Variants in RAD51AP1 observed in about 807,000 individuals in gnomAD.
RAD51AP1 encodes RAD51-associated protein 1.
RAD51AP1 carries 14 observed loss-of-function variants against 34.3 expected under a neutral mutation model. The observed-to-expected ratio is 0.41, with a 90% CI of 0.27 to 0.64. RAD51AP1 has a LOEUF of 0.64. Ranked by LOEUF, RAD51AP1 falls within the 30% of genes least tolerant of loss-of-function variation. The pLI is 0.33. For missense variants in RAD51AP1, 348 were observed against 386.9 expected (o/e 0.90, Z 0.84); for synonymous variants, 114 against 129.8 (o/e 0.88, Z 0.83).
intron 2 of RAD51AP1, among the ~76,000 whole-genome samples, chr12:4,542,647 A>C (rs1362118728): frequency 7.0e-6 from 1 of 142,790 alleles, no homozygotes; most frequent in Admixed American, 7.3e-5. Context: ...AGGTGGGGGG[A>C]GTCCTAAGTT....
rs868436766 is a variant in RAD51AP1 at position 4,540,840 on chromosome 12, G to C, written c.18-1044G>C. Among the ~76,000 whole-genome samples, 9 of 152,280 alleles carry C rather than the reference G, an allele frequency of 5.9e-5. No homozygotes were observed. In the East Asian group the frequency reaches 1.7e-3, roughly 29 times the overall value. ...CACTTCTGTATACTGATGCGTGATAGTTATCTCAAGGAAAAGCACTTGTGA... is the reference window on the plus strand; with the variant it reads ...CACTTCTGTATACTGATGCGTGATACTTATCTCAAGGAAAAGCACTTGTGA... On this transcript the variant is annotated intron_variant, in intron 1 of 8. Coordinates refer to ENST00000352618, the MANE Select transcript of RAD51AP1 (RefSeq NM_006479.5).
Position 4,559,281 on chromosome 12 carries a change from T to C in RAD51AP1, c.*288T>C, listed in dbSNP as rs907192484. ...GTCCACATCACATGCTGTTCTTTTC[T>C]AGTTACATGATGTGCCTTTCTAGCT... is the stretch of plus-strand genomic sequence containing the variant. On this transcript the variant is annotated 3_prime_UTR_variant, in exon 9 of 9. Transcript: ENST00000352618. 1.0e-4 allele frequency: 24 copies of C among 240,712 alleles called. No individual in the cohort carries two copies. The highest frequency in any genetic ancestry group is 4.1e-4 in the African/African-American group (18 of 44,320). 14.9% of individuals were successfully genotyped at this position (240,712 alleles called of 1,614,324 possible).
At chr12:4,551,529 G>A (rs1944547100) in intron 6 of RAD51AP1, among the ~76,000 whole-genome samples, 1 of 146,254 alleles carries the variant, frequency 6.8e-6, no homozygotes, top group Non-Finnish European at 1.5e-5. Context: ...TAAGTTAAAT[G>A]ACACCATGAG....
chr12:4,544,006 A>G (rs1462457784), intron 3 of RAD51AP1, 102 bp downstream of exon 3: 1 of 986,508 alleles, frequency 1.0e-6, no homozygotes, highest in Non-Finnish European at 1.4e-6. Context: ...GGGCAGAGTC[A>G]TAGGTCTTAT....
At position 4,546,774 on chromosome 12, in the gene RAD51AP1, C is replaced by T. The variant is rs929983509; in HGVS notation, c.319+356C>T. Among the ~76,000 whole-genome samples, 3 of 152,104 alleles carry T rather than the reference C, an allele frequency of 2.0e-5. 1 individual carries two copies. The highest frequency in any genetic ancestry group is 2.0e-4 in the Admixed American group (3 of 15,266). On this transcript the variant is annotated intron_variant, in intron 4 of 8. Coordinates refer to ENST00000352618, the MANE Select transcript of RAD51AP1 (RefSeq NM_006479.5). ...TTTTTCCAGATCAGTTAAACATACC[C>T]TAATTATGGTAATTTTTATTACTTA... is the stretch of plus-strand genomic sequence containing the variant.
At chr12:4,541,975 T>A in intron 2 of RAD51AP1, 42 bp downstream of exon 2, 1 of 1,332,470 alleles carries the variant, frequency 7.5e-7, no homozygotes, top group Non-Finnish European at 1.0e-6. Context: ...ATTTGGAAAC[T>A]CATTTCCTCG....
chr12:4,556,508 G>A lies in RAD51AP1; in HGVS notation c.871+6G>A. ...ACCTAAATGGGTCCCACCAGGTATG[G>A]CATATTTATCATCAAGGACAGGAGC... On this transcript the variant is annotated splice_donor_region_variant and intron_variant, in intron 8 of 8. Coordinates refer to ENST00000352618, the MANE Select transcript of RAD51AP1 (RefSeq NM_006479.5). 6.2e-7 allele frequency: 1 copy of A among 1,611,032 alleles called. No individual in the cohort carries two copies. Among genetic ancestry groups the A allele is most frequent in the Middle Eastern group, 1.7e-4 (1 of 6,052 alleles).
chr12:4,556,531 A>C, intron 8 of RAD51AP1, 29 bp downstream of exon 8: 3 of 1,592,440 alleles, frequency 1.9e-6, no homozygotes, highest in Non-Finnish European at 2.6e-6. Context: ...CAAGGACAGG[A>C]GCTTGGAAAA....
chr12:4,546,493 C>CA, intron 4 of RAD51AP1, 75 bp downstream of exon 4: 1 of 1,056,126 alleles, frequency 9.5e-7, no homozygotes. Flanking sequence ...GGTGGGCCTT[C>CA]ACAGAGGAAA....
chr12:4,541,873 T>G lies in RAD51AP1; in HGVS notation c.18-11T>G, dbSNP rs758734139. ...ATTTGTGTTAATGAAAAAATTCTGTTTTGGTCATAGACATAAGAAACCAGT... is the reference window on the plus strand; with the variant it reads ...ATTTGTGTTAATGAAAAAATTCTGTGTTGGTCATAGACATAAGAAACCAGT... On this transcript the variant is annotated splice_polypyrimidine_tract_variant and intron_variant, in intron 1 of 8. Transcript: ENST00000352618. The G allele has an allele frequency of 4.2e-6, 6 of 1,439,326 alleles. No homozygotes were observed. In the African/African-American group the frequency reaches 8.6e-5, roughly 21 times the overall value. The allele number at this position is 1,439,326 out of a possible 1,614,324, so 89.2% of individuals were successfully genotyped here.
chr12:4,542,782 C>T (rs1944477137), intron 2 of RAD51AP1, among the ~76,000 whole-genome samples: 1 of 152,160 alleles, frequency 6.6e-6, no homozygotes, highest in South Asian at 2.1e-4. Context: ...GGAAAAGCCA[C>T]AGCAGTAGTT....
intron 1 of RAD51AP1, 27 bp downstream of exon 1, chr12:4,538,983 G>T (rs1944428809): frequency 6.2e-7 from 1 of 1,609,886 alleles, no homozygotes; most frequent in Non-Finnish European, 8.5e-7. Flanking sequence ...ATTCGTCGGG[G>T]GTGGGAGGAA....
chr12:4,546,605 C>T (rs1944508162), intron 4 of RAD51AP1, among the ~76,000 whole-genome samples, 187 bp downstream of exon 4: 1 of 152,198 alleles, frequency 6.6e-6, no homozygotes, highest in African/African-American at 2.4e-5. Flanking sequence ...TACAAACAGA[C>T]ATACATCTCT....
chr12:4,547,447 C>T (rs1944514577), intron 4 of RAD51AP1, among the ~76,000 whole-genome samples: 1 of 152,166 alleles, frequency 6.6e-6, no homozygotes, highest in South Asian at 2.1e-4. Flanking sequence ...AGAGAATTAT[C>T]ATGAATTACA....
intron 8 of RAD51AP1, among the ~76,000 whole-genome samples, chr12:4,557,369 G>A (rs1036676975): frequency 1.3e-5 from 2 of 152,120 alleles, no homozygotes; most frequent in African/African-American, 2.4e-5. Context: ...AGATTTAGGC[G>A]TGAGCTGTGA....
intron 8 of RAD51AP1, among the ~76,000 whole-genome samples, chr12:4,558,434 TAAC>T: frequency 6.6e-6 from 1 of 152,310 alleles, no homozygotes; most frequent in East Asian, 1.9e-4. Context: ...TATAAATAAA[TAAC>T]AATATTTGCC....
intron 1 of RAD51AP1, among the ~76,000 whole-genome samples, chr12:4,541,302 A>G (rs998454099): frequency 6.6e-6 from 1 of 152,190 alleles, no homozygotes; most frequent in Non-Finnish European, 1.5e-5. Context: ...CAGATAAGGG[A>G]TACTCATCTC....
At chr12:4,547,166 C>T (rs1020494154) in intron 4 of RAD51AP1, among the ~76,000 whole-genome samples, 43 of 152,210 alleles carry the variant, frequency 2.8e-4, no homozygotes, top group African/African-American at 1.0e-3. Context: ...CTCCTAGGCT[C>T]AAGCAGTCCT....
intron 6 of RAD51AP1, among the ~76,000 whole-genome samples, chr12:4,552,538 G>C (rs1944553799): frequency 6.6e-6 from 1 of 152,146 alleles, no homozygotes; most frequent in African/African-American, 2.4e-5. Flanking sequence ...AAATGTCACT[G>C]TTTTGAAAGA....
Sources: gnomAD v4.1 joint callset for allele counts (sites outside exome capture counted in the v4.1 genomes callset) on GRCh38, gnomAD v4.1.1 for gene constraint, MANE v1.5 for transcripts, NCBI Gene and HGNC (gene_info 2026-07-23, HGNC 2026-07-21) for gene names.